LUZP2: variants seen among roughly 807,000 people sequenced by gnomAD.
The protein encoded by LUZP2 is leucine zipper protein 2.
Under a neutral mutation model 51.6 loss-of-function variants are expected in LUZP2, and 52 were observed. The ratio of observed to expected loss-of-function variants is 1.01; its 90% CI spans 0.81 to 1.27. The LOEUF is 1.27. Among genes scored for constraint, LUZP2 ranks in the 50% most tolerant of loss-of-function variants. The probability of loss-of-function intolerance (pLI) is 0.00; values close to 1 mark genes in which losing one functional copy is unlikely to be tolerated. For missense variants in LUZP2, 436 were observed against 395.4 expected (o/e 1.10, Z -0.87); for synonymous variants, 154 against 137.3 (o/e 1.12, Z -0.85).
rs1215977153 is a variant in LUZP2, at chr11:24,997,877, A to C, written c.765+14584A>C. ...CCCAGCACCACTTATTAAATAGGGA[A>C]TCCTTTCCCCATTGCTTGTTTTTCT... On this transcript the variant is annotated intron_variant, in intron 9 of 11. Transcript: ENST00000336930. Among the ~76,000 whole-genome samples the C allele has an allele frequency of 8.5e-5, 13 of 152,164 alleles. No individual in the cohort carries two copies. In the South Asian group the frequency reaches 1.0e-3, roughly 12 times the overall value.
chr11:24,605,643 G>T (rs1188626612), intron 1 of LUZP2, among the ~76,000 whole-genome samples: 3 of 151,626 alleles, frequency 2.0e-5, no homozygotes, highest in Non-Finnish European at 4.4e-5. Context: ...ATACAACTGT[G>T]TATATTCAAG....
chr11:24,707,966 G>A (rs1425332349), intron 1 of LUZP2, among the ~76,000 whole-genome samples: 1 of 152,102 alleles, frequency 6.6e-6, no homozygotes, highest in African/African-American at 2.4e-5. Context: ...ATTGGCTAGG[G>A]TTAGACCACA....
Position 24,882,960 on chromosome 11 carries a change from AAGAG to A in LUZP2, c.397-23029_397-23026del, listed in dbSNP as rs1471419067. ...AGAAAGAGAAAGAAAGGAAGAAAGA[AAGAG>A]AAAGAAAGATGGAGGAAGGAAGGAA... On this transcript the variant is annotated intron_variant, in intron 5 of 11. Transcript: ENST00000336930. Among the ~76,000 whole-genome samples the A allele has an allele frequency of 2.0e-5, 3 of 147,078 alleles. No individual in the cohort carries two copies. The East Asian group carries it at 5.9e-4, about 29-fold the overall frequency.
chr11:24,787,220 C>G (rs2134087054), intron 5 of LUZP2, among the ~76,000 whole-genome samples: 1 of 152,218 alleles, frequency 6.6e-6, no homozygotes, highest in Admixed American at 6.6e-5. Flanking sequence ...TGAAGCTGAA[C>G]ATTGAAGTAT....
intron 4 of LUZP2, among the ~76,000 whole-genome samples, chr11:24,749,506 G>C (rs747114974): frequency 1.9e-4 from 29 of 152,170 alleles, no homozygotes; most frequent in Non-Finnish European, 3.4e-4. Flanking sequence ...TCTGTGGACT[G>C]GGGGAGAAAG....
At position 24,983,249 on chromosome 11, in the gene LUZP2, A is replaced by G. The variant is rs750880959; in HGVS notation, c.721A>G (p.Arg241Gly). The G allele has an allele frequency of 1.9e-6, 3 of 1,612,082 alleles. No individual in the cohort carries two copies. Among genetic ancestry groups the G allele is most frequent in the Admixed American group, 3.3e-5 (2 of 59,774 alleles). Reference sequence around the variant, plus strand: ...TCCAACTCGGATGTTACTCCCACCCAGGAATATTGCCTCTAAGCTTCCAGA... The same window carrying G: ...TCCAACTCGGATGTTACTCCCACCCGGGAATATTGCCTCTAAGCTTCCAGA... ...SNPTRMLLPPRNIASKLPDAA... is the reference protein window; with the variant it reads ...SNPTRMLLPPGNIASKLPDAA... Residue 241 changes from arginine (R) to glycine (G), a missense_variant, in exon 9 of 12, where the codon AGG (arginine) becomes GGG (glycine). Arg to Gly is a moderately radical substitution (Grantham distance 125). Transcript: ENST00000336930.
At chr11:25,072,284 T>G (rs1859180864) in intron 10 of LUZP2, among the ~76,000 whole-genome samples, 1 of 152,112 alleles carries the variant, frequency 6.6e-6, no homozygotes, top group African/African-American at 2.4e-5. Flanking sequence ...GTATTTATGC[T>G]TTCTCCACTA....
intron 1 of LUZP2, among the ~76,000 whole-genome samples, chr11:24,649,976 G>GACAC (rs138976467): frequency 4.9e-4 from 72 of 147,002 alleles, no homozygotes; most frequent in African/African-American, 1.6e-3. Flanking sequence ...TACACACAGA[G>GACAC]ACACACACAC....
chr11:24,579,922 G>A (rs536757582), intron 1 of LUZP2, among the ~76,000 whole-genome samples: 19 of 152,146 alleles, frequency 1.2e-4, no homozygotes, highest in Non-Finnish European at 2.5e-4. Flanking sequence ...ATCTAAGCAA[G>A]AACTATGGTA....
At chr11:24,716,493 G>A (rs970050052) in intron 1 of LUZP2, among the ~76,000 whole-genome samples, 6 of 152,160 alleles carry the variant, frequency 3.9e-5, no homozygotes, top group African/African-American at 1.4e-4. Context: ...GGAGTGAAAA[G>A]AGTCAAGAAG....
At chr11:24,716,953 T>C (rs1858070487) in intron 1 of LUZP2, among the ~76,000 whole-genome samples, 2 of 152,066 alleles carry the variant, frequency 1.3e-5, no homozygotes, top group African/African-American at 2.4e-5. Flanking sequence ...AAGAAGTACA[T>C]GCTTTCAAAA....
intron 5 of LUZP2, among the ~76,000 whole-genome samples, chr11:24,877,416 ACT>A (rs35644494): frequency 0.49 from 73,613 of 151,468 alleles, 18,312 homozygotes; most frequent in East Asian, 0.69. Context: ...AAGCTTTAAG[ACT>A]CTCTTAAAAA....
At chr11:24,539,574 A>G (rs1231645618) in intron 1 of LUZP2, among the ~76,000 whole-genome samples, 2 of 152,036 alleles carry the variant, frequency 1.3e-5, no homozygotes, top group East Asian at 3.9e-4. Flanking sequence ...TGATGAAAAT[A>G]TGCCAGGAAG....
intron 9 of LUZP2, among the ~76,000 whole-genome samples, chr11:25,013,281 CG>C (rs1554954922): frequency 1.3e-5 from 2 of 151,556 alleles, no homozygotes; most frequent in Non-Finnish European, 2.9e-5. Flanking sequence ...ATACACTTAA[CG>C]TAGAAAAAAT....
chr11:24,846,171 T>C (rs970501632), intron 5 of LUZP2, among the ~76,000 whole-genome samples: 3 of 151,676 alleles, frequency 2.0e-5, no homozygotes, highest in Admixed American at 6.6e-5. Context: ...TTGTTGATCA[T>C]ATGATGATCA....
intron 5 of LUZP2, among the ~76,000 whole-genome samples, chr11:24,848,752 T>C (rs1219894232): frequency 6.6e-6 from 1 of 152,122 alleles, no homozygotes; most frequent in Non-Finnish European, 1.5e-5. Context: ...AGCGGAAACA[T>C]TTCAATTCTT....
chr11:24,742,523 TC>T (rs1430499288), intron 4 of LUZP2, among the ~76,000 whole-genome samples: 2 of 152,108 alleles, frequency 1.3e-5, no homozygotes, highest in Non-Finnish European at 2.9e-5. Flanking sequence ...TCTATTCATG[TC>T]CTTAGCCCAC....
chr11:24,732,103 C>T lies in LUZP2; in HGVS notation c.181-15C>T. The T allele has an allele frequency of 1.9e-6, 3 of 1,596,338 alleles. No individual in the cohort carries two copies. Among genetic ancestry groups the T allele is most frequent in the Non-Finnish European group, 2.6e-6 (3 of 1,169,308 alleles). ...TCACCTGAATAAAACTTCATTTTTC[C>T]ACTTTTCTTATCAGTCCTTAAAAAA... On this transcript the variant is annotated splice_polypyrimidine_tract_variant and intron_variant, in intron 2 of 11. Coordinates refer to ENST00000336930, the MANE Select transcript of LUZP2 (RefSeq NM_001009909.4).
intron 8 of LUZP2, among the ~76,000 whole-genome samples, chr11:24,981,995 C>G (rs577239430): frequency 6.6e-6 from 1 of 151,950 alleles, no homozygotes; most frequent in African/African-American, 2.4e-5. Context: ...ATGTGGCCAA[C>G]AAGCATATGA....
Sources: gnomAD v4.1 joint callset for allele counts (sites outside exome capture counted in the v4.1 genomes callset) on GRCh38, gnomAD v4.1.1 for gene constraint, MANE v1.5 for transcripts, NCBI Gene and HGNC (gene_info 2026-07-23, HGNC 2026-07-21) for gene names.